USH2A: variants seen among roughly 807,000 people sequenced by gnomAD.
The protein encoded by USH2A is Usher syndrome 2A (autosomal recessive, mild).
In USH2A, 443 loss-of-function variants were observed where a neutral mutation model predicts 538.9. The observed-to-expected ratio is 0.82, with a 90% CI of 0.76 to 0.89. The LOEUF (loss-of-function observed/expected upper bound fraction) is 0.89, where lower values mean the gene tolerates loss of function less well. Ranked by LOEUF, USH2A falls within the 40% of genes least tolerant of loss-of-function variation. USH2A has a pLI of 0.00. For synonymous variants in USH2A, 2,413 were observed against 2,273.5 expected (o/e 1.06, Z -1.75); for missense variants, 6,633 against 6,324.8 (o/e 1.05, Z -1.65).
At chr1:215,790,751 G>A (rs113226073) in intron 50 of USH2A, among the ~76,000 whole-genome samples, 2,374 of 152,294 alleles carry the variant, frequency 0.016, 64 homozygotes, top group African/African-American at 0.055. Flanking sequence ...GAAGCCCTGC[G>A]GGAGAAGCAG....
intron 21 of USH2A, chr1:216,174,236 T>C: frequency 1.0e-6 from 1 of 985,220 alleles, no homozygotes; most frequent in Non-Finnish European, 1.2e-6. Context: ...AAAGACTAGC[T>C]ATTTGCTCCA....
chr1:216,243,437 C>A (rs1411276025), intron 13 of USH2A, among the ~76,000 whole-genome samples: 1 of 152,162 alleles, frequency 6.6e-6, no homozygotes, highest in Non-Finnish European at 1.5e-5. Flanking sequence ...GGATCAATCT[C>A]TTTCTTACTC....
intron 17 of USH2A, 49 bp downstream of exon 17, chr1:216,199,578 C>A (rs777863204): frequency 1.1e-5 from 18 of 1,612,556 alleles, no homozygotes; most frequent in Non-Finnish European, 1.5e-5. Flanking sequence ...ACAATAGATT[C>A]TCATTCATGT....
At chr1:216,071,639 A>G (rs897981724) in intron 29 of USH2A, among the ~76,000 whole-genome samples, 8 of 152,214 alleles carry the variant, frequency 5.3e-5, no homozygotes, top group Admixed American at 3.9e-4. Context: ...CTATTTGTGT[A>G]CTTTCTCAGT....
At chr1:216,130,033 C>G (rs765067323) in intron 21 of USH2A, among the ~76,000 whole-genome samples, 1 of 152,052 alleles carries the variant, frequency 6.6e-6, no homozygotes, top group Non-Finnish European at 1.5e-5. Context: ...AGAATGCTAT[C>G]TCTTGCCATA....
chr1:216,073,675 TAA>T (rs1387843079), intron 27 of USH2A, among the ~76,000 whole-genome samples: 2 of 152,244 alleles, frequency 1.3e-5, no homozygotes, highest in Non-Finnish European at 2.9e-5. Flanking sequence ...TCTGAAAGAT[TAA>T]GTTACTATAT....
intron 43 of USH2A, among the ~76,000 whole-genome samples, chr1:215,871,175 C>A (rs1452772934): frequency 6.6e-6 from 1 of 152,188 alleles, no homozygotes; most frequent in East Asian, 1.9e-4. Context: ...CCCTCCTCCA[C>A]TCCCCAAACA....
chr1:215,907,953 C>A (rs1229192161), intron 38 of USH2A, among the ~76,000 whole-genome samples: 2 of 151,476 alleles, frequency 1.3e-5, no homozygotes, highest in East Asian at 3.9e-4. Flanking sequence ...GTTAGAATCC[C>A]GAACATATTT....
At chr1:215,643,334 T>G (rs1656748050) in intron 67 of USH2A, among the ~76,000 whole-genome samples, 1 of 152,112 alleles carries the variant, frequency 6.6e-6, no homozygotes, top group African/African-American at 2.4e-5. Context: ...CTGGTGCATG[T>G]TTTCGTGCTC....
At chr1:215,640,761 A>T in intron 67 of USH2A, 27 bp from the exon 68 acceptor site, 1 of 1,613,406 alleles carries the variant, frequency 6.2e-7, no homozygotes, top group Non-Finnish European at 8.5e-7. Flanking sequence ...GTATGTTCTA[A>T]AAAGGGTAAC....
At chr1:215,972,317 T>A (rs1667513448) in intron 35 of USH2A, among the ~76,000 whole-genome samples, 1 of 152,120 alleles carries the variant, frequency 6.6e-6, no homozygotes, top group Admixed American at 6.6e-5. Flanking sequence ...AGAAGAAGCA[T>A]CTCTTCTGCA....
At chr1:216,206,771 T>A (rs1291902747) in intron 16 of USH2A, among the ~76,000 whole-genome samples, 1 of 152,252 alleles carries the variant, frequency 6.6e-6, no homozygotes, top group African/African-American at 2.4e-5. Flanking sequence ...CCTGAAACAT[T>A]GTTGAACATC....
intron 15 of USH2A, among the ~76,000 whole-genome samples, chr1:216,211,038 C>T (rs191157744): frequency 6.6e-6 from 1 of 151,922 alleles, no homozygotes; most frequent in Non-Finnish European, 1.5e-5. Context: ...ACAGGGAGAG[C>T]TCCATGTAGT....
chr1:215,984,333 G>C (rs1313352425), intron 35 of USH2A, among the ~76,000 whole-genome samples: 1 of 152,192 alleles, frequency 6.6e-6, no homozygotes, highest in Non-Finnish European at 1.5e-5. Context: ...TGTGGCAAAG[G>C]GGGTCAGGTT....
intron 57 of USH2A, among the ~76,000 whole-genome samples, chr1:215,759,004 G>A (rs773509375): frequency 2.6e-5 from 4 of 152,132 alleles, no homozygotes; most frequent in Non-Finnish European, 5.9e-5. Context: ...GAAGATTTCA[G>A]GAAAGTCTTG....
intron 38 of USH2A, among the ~76,000 whole-genome samples, chr1:215,912,493 GTATATATATATATATATACGTGTA>G (rs1558158012): frequency 9.0e-5 from 2 of 22,100 alleles, no homozygotes; most frequent in Non-Finnish European, 2.0e-4. Context: ...ATATATATGT[GTATATATATATATATATACGTGTA>G]TATATATATA....
At position 215,815,742 on chromosome 1, in the gene USH2A, C is replaced by T. The variant is rs1662843527; in HGVS notation, c.9570+1255G>A. On this transcript the variant is annotated intron_variant, in intron 48 of 71. Coordinates refer to ENST00000307340, the MANE Select transcript of USH2A (RefSeq NM_206933.4). ...TTAATATGAACATTTTAAGAACATC[C>T]ACCTTTTGATCTTTTAGAATAAACT... Among the ~76,000 whole-genome samples, 3 of 151,894 alleles carry T rather than the reference C, an allele frequency of 2.0e-5. No individual in the cohort carries two copies. The South Asian group carries it at 6.2e-4, about 31-fold the overall frequency.
Position 216,010,586 on chromosome 1 carries a change from C to T in USH2A, c.6326-10024G>A, listed in dbSNP as rs181178812. 2.1e-3 allele frequency among the ~76,000 whole-genome samples: 321 copies of T among 152,032 alleles called. 1 individual carries two copies. Among genetic ancestry groups the T allele is most frequent in the Non-Finnish European group, 2.2e-3 (150 of 67,982 alleles). On this transcript the variant is annotated intron_variant, in intron 32 of 71. Transcript: ENST00000307340. Reference sequence around the variant, plus strand: ...CTTCTTAATCAATACGGAGGCTACTCACTCCACATCACCTTCTTTTCAAGG... The same window carrying T: ...CTTCTTAATCAATACGGAGGCTACTTACTCCACATCACCTTCTTTTCAAGG...
chr1:216,076,154 T>C (rs764754377), intron 27 of USH2A, among the ~76,000 whole-genome samples: 1 of 152,184 alleles, frequency 6.6e-6, no homozygotes, highest in Non-Finnish European at 1.5e-5. Context: ...CTAACATCTG[T>C]ATTTTTAATA....
Sources: gnomAD v4.1 joint callset for allele counts (sites outside exome capture counted in the v4.1 genomes callset) on GRCh38, gnomAD v4.1.1 for gene constraint, MANE v1.5 for transcripts, NCBI Gene and HGNC (gene_info 2026-07-23, HGNC 2026-07-21) for gene names.